Variants in CA10 observed in about 807,000 individuals in gnomAD.
The protein encoded by CA10 is carbonic anhydrase 10 (inactive), also known as carbonic anhydrase-related protein 10.
CA10 carries 14 observed loss-of-function variants against 44.2 expected under a neutral mutation model. That is an observed-to-expected ratio of 0.32 (90% CI 0.21 to 0.50). The LOEUF (loss-of-function observed/expected upper bound fraction) is 0.50. CA10 is among the 20% of genes least tolerant of loss of function. The probability of loss-of-function intolerance (pLI) is 0.99; values close to 1 mark genes in which losing one functional copy is unlikely to be tolerated. For missense variants in CA10, 350 were observed against 409.7 expected (o/e 0.85, Z 1.26); for synonymous variants, 159 against 141.6 (o/e 1.12, Z -0.87).
At chr17:52,066,736 A>G (rs983160925) in intron 2 of CA10, among the ~76,000 whole-genome samples, 10 of 152,178 alleles carry the variant, frequency 6.6e-5, no homozygotes, top group Non-Finnish European at 1.2e-4. Flanking sequence ...GAAGATAAAA[A>G]AACTTGTTGG....
At chr17:51,709,548 C>A (rs1015268312) in intron 4 of CA10, among the ~76,000 whole-genome samples, 12 of 152,152 alleles carry the variant, frequency 7.9e-5, no homozygotes, top group African/African-American at 2.9e-4. Flanking sequence ...TGGACCCCAC[C>A]TCCAGAGGTG....
rs1908231051 is a variant in CA10, at chr17:51,831,294, T to G, written c.280-83476A>C. Among the ~76,000 whole-genome samples, 3 of 152,232 alleles carry G rather than the reference T, an allele frequency of 2.0e-5. No homozygotes were observed. In the South Asian group the frequency reaches 6.2e-4, roughly 31 times the overall value. On this transcript the variant is annotated intron_variant, in intron 3 of 8. Transcript: ENST00000451037. ...GTCTGCAAGTCCCCTAACATCCTTT[T>G]AAATTATTGTTTTTTAAAATTTGAA...
At chr17:51,844,176 T>A (rs1978392770) in intron 3 of CA10, among the ~76,000 whole-genome samples, 1 of 152,124 alleles carries the variant, frequency 6.6e-6, no homozygotes, top group African/African-American at 2.4e-5. Flanking sequence ...GAAGAGGAAA[T>A]TTTTAAGGAT....
chr17:51,659,359 C>A (rs1024440235), intron 4 of CA10, among the ~76,000 whole-genome samples: 1 of 152,168 alleles, frequency 6.6e-6, no homozygotes, highest in Non-Finnish European at 1.5e-5. Context: ...GGGGATTACA[C>A]CATCAGCACC....
chr17:51,894,091 G>T (rs1331507857), intron 3 of CA10, among the ~76,000 whole-genome samples: 1 of 152,040 alleles, frequency 6.6e-6, no homozygotes, highest in Non-Finnish European at 1.5e-5. Flanking sequence ...GAATACTGAG[G>T]AATTTCTGAA....
At chr17:52,139,625 C>T (rs1989433984) in intron 1 of CA10, among the ~76,000 whole-genome samples, 1 of 152,022 alleles carries the variant, frequency 6.6e-6, no homozygotes, top group South Asian at 2.1e-4. Flanking sequence ...TGATAATATA[C>T]TCCCAAACAG....
chr17:52,034,725 TAACAGTG>T, intron 2 of CA10, among the ~76,000 whole-genome samples: 1 of 152,150 alleles, frequency 6.6e-6, no homozygotes, highest in East Asian at 1.9e-4. Flanking sequence ...ATATGGCTAA[TAACAGTG>T]CTACAATGAC....
chr17:51,954,951 G>A (rs766571833), intron 2 of CA10, among the ~76,000 whole-genome samples: 11 of 152,226 alleles, frequency 7.2e-5, no homozygotes, highest in Non-Finnish European at 1.5e-4. Flanking sequence ...GATAATGTAT[G>A]CTTCTTTTCA....
chr17:51,789,336 G>A (rs896445973), intron 3 of CA10, among the ~76,000 whole-genome samples: 1 of 152,176 alleles, frequency 6.6e-6, no homozygotes, highest in Non-Finnish European at 1.5e-5. Flanking sequence ...TTTCTAATAA[G>A]AGACATTTAC....
At position 51,631,410 on chromosome 17, in the gene CA10, T is replaced by G. The variant is rs767138931; in HGVS notation, c.*174A>C. 2.9e-6 allele frequency: 2 copies of G among 695,090 alleles called. No homozygotes were observed. Among genetic ancestry groups the G allele is most frequent in the Non-Finnish European group, 5.2e-6 (2 of 382,326 alleles). 43.1% of individuals were successfully genotyped at this position (695,090 alleles called of 1,614,324 possible). On this transcript the variant is annotated 3_prime_UTR_variant, in exon 9 of 9. Transcript: ENST00000451037. ...TGTGTTTGTGAGTATGTGTGAGAGA[T>G]GTATTCCTCTGCCATGGTTTTGCAG...
intron 3 of CA10, among the ~76,000 whole-genome samples, chr17:51,827,367 TACAC>T (rs538902446): frequency 2.9e-4 from 43 of 149,836 alleles, no homozygotes; most frequent in African/African-American, 8.6e-4. Flanking sequence ...CACACACACA[TACAC>T]ACACACACAA....
At position 52,157,907 on chromosome 17, in the gene CA10, C is replaced by CTTCCGAGCGAGTGCA; in HGVS notation, c.-122_-121insTGCACTCGCTCGGAA. On this transcript the variant is annotated 5_prime_UTR_variant, in exon 1 of 9. Transcript: ENST00000451037. ...TCCGAGCGAGTGCACACTCGCACTCCCACCCGACAGCCGGCCAGGGACAGT... is the reference window on the plus strand; with the variant it reads ...TCCGAGCGAGTGCACACTCGCACTCCTTCCGAGCGAGTGCACACCCGACAGCCGGCCAGGGACAGT... 1 of 795,086 alleles carries CTTCCGAGCGAGTGCA rather than the reference C, an allele frequency of 1.3e-6. No homozygotes were observed. Among genetic ancestry groups the CTTCCGAGCGAGTGCA allele is most frequent in the Non-Finnish European group, 2.2e-6 (1 of 448,746 alleles). 49.3% of individuals were successfully genotyped at this position (795,086 alleles called of 1,614,324 possible).
intron 3 of CA10, among the ~76,000 whole-genome samples, chr17:51,867,940 G>T (rs954578353): frequency 1.3e-5 from 2 of 152,120 alleles, no homozygotes; most frequent in South Asian, 4.1e-4. Flanking sequence ...TGCATAAAAT[G>T]TAAATCTAAA....
intron 1 of CA10, among the ~76,000 whole-genome samples, chr17:52,112,098 A>G (rs950950475): frequency 6.6e-6 from 1 of 152,040 alleles, no homozygotes; most frequent in Non-Finnish European, 1.5e-5. Flanking sequence ...CAGAAGATTC[A>G]TGTGTGTAAA....
chr17:52,134,943 C>G, intron 1 of CA10: 1 of 519,092 alleles, frequency 1.9e-6, no homozygotes, highest in Admixed American at 1.9e-5. Flanking sequence ...CTGAACGGCT[C>G]CTGATGCTGG....
intron 1 of CA10, among the ~76,000 whole-genome samples, chr17:52,126,760 A>C (rs1311707277): frequency 1.3e-5 from 2 of 152,208 alleles, no homozygotes; most frequent in African/African-American, 4.8e-5. Context: ...ATTACCCATG[A>C]AACTTAGGAA....
intron 4 of CA10, among the ~76,000 whole-genome samples, chr17:51,659,831 A>T: frequency 6.6e-6 from 1 of 152,206 alleles, no homozygotes; most frequent in East Asian, 1.9e-4. Context: ...TGACTATTTG[A>T]GTTCATACTC....
chr17:51,873,120 A>G (rs1403250454), intron 3 of CA10, among the ~76,000 whole-genome samples: 1 of 152,230 alleles, frequency 6.6e-6, no homozygotes, highest in Non-Finnish European at 1.5e-5. Context: ...GAAGTTATTT[A>G]AGTCTCTGCA....
chr17:51,956,881 C>A (rs1007673109), intron 2 of CA10, among the ~76,000 whole-genome samples: 1 of 151,936 alleles, frequency 6.6e-6, no homozygotes, highest in Non-Finnish European at 1.5e-5. Flanking sequence ...GCTACAGGGG[C>A]CCTTTAGCGT....
Sources: allele counts gnomAD v4.1 joint callset (sites outside exome capture counted in the v4.1 genomes callset), GRCh38; gene constraint gnomAD v4.1.1; transcripts MANE v1.5; gene names NCBI Gene and HGNC (gene_info 2026-07-23, HGNC 2026-07-21).